Variants in FGF14 observed in about 807,000 individuals in gnomAD.
FGF14 encodes the protein fibroblast growth factor homologous factor 4.
In FGF14, 5 loss-of-function variants were observed where a neutral mutation model predicts 25.5. That is an observed-to-expected ratio of 0.20 (90% CI 0.10 to 0.41). FGF14 has a LOEUF of 0.41. Among genes scored for constraint, FGF14 ranks in the 10% least tolerant of loss-of-function variants. The pLI, the probability that FGF14 is intolerant of heterozygous loss-of-function variation, is 1.00. For synonymous variants in FGF14, 138 were observed against 118.3 expected, an observed-to-expected ratio of 1.17 and a Z score of -1.08; for missense variants, 222 against 320.1, an observed-to-expected ratio of 0.69 and a Z score of 2.34.
chr13:102,150,443 C>T (rs2047034771), intron 1 of FGF14, among the ~76,000 whole-genome samples: 3 of 152,050 alleles, frequency 2.0e-5, no homozygotes. Flanking sequence ...AAGGCATGGC[C>T]ACTTTTGCAA....
At chr13:102,194,590 A>T (rs1353364303) in intron 1 of FGF14, among the ~76,000 whole-genome samples, 1 of 152,198 alleles carries the variant, frequency 6.6e-6, no homozygotes, top group African/African-American at 2.4e-5. Flanking sequence ...AAGAAAAATG[A>T]ACAAAGTCTC....
At chr13:102,204,464 G>A (rs531098740) in intron 1 of FGF14, among the ~76,000 whole-genome samples, 133 of 152,342 alleles carry the variant, frequency 8.7e-4, no homozygotes, top group Non-Finnish European at 1.7e-3. Flanking sequence ...AGGGCAGAGT[G>A]AGTTGGGCAT....
intron 3 of FGF14, among the ~76,000 whole-genome samples, chr13:101,836,491 C>T (rs1007055707): frequency 1.3e-5 from 2 of 152,062 alleles, no homozygotes; most frequent in Non-Finnish European, 2.9e-5. Context: ...AGGTAACAAC[C>T]GAAGGAGTCA....
intron 1 of FGF14, among the ~76,000 whole-genome samples, chr13:101,927,285 G>A (rs1453077234): frequency 6.6e-6 from 1 of 152,150 alleles, no homozygotes; most frequent in African/African-American, 2.4e-5. Flanking sequence ...AAAGCACCAA[G>A]ACATATCAGC....
Position 101,759,954 on chromosome 13 carries a change from ACTC to A in FGF14, c.409-33147_409-33145del. 2.0e-5 allele frequency among the ~76,000 whole-genome samples: 3 copies of A among 151,976 alleles called. No homozygotes were observed. The Middle Eastern group carries it at 0.01, about 517-fold the overall frequency. The stretch of plus-strand genomic sequence containing the variant: ...TAGTGGCAGCTAAAAAACCTAATAA[ACTC>A]CTAAGAGGAAAAAGGATTTCCCAAC... On this transcript the variant is annotated intron_variant, in intron 3 of 4. Transcript: ENST00000376143.
rs1175834993 is a variant in FGF14, at chr13:101,715,731, A to G, written c.*7100T>C. 10 of 904,340 alleles carry G rather than the reference A, an allele frequency of 1.1e-5. 1 individual carries two copies. Among genetic ancestry groups the G allele is most frequent in the South Asian group, 6.6e-5 (5 of 75,882 alleles). 56.0% of individuals were successfully genotyped at this position (904,340 alleles called of 1,614,324 possible). On this transcript the variant is annotated 3_prime_UTR_variant, in exon 5 of 5. Transcript: ENST00000376143. The stretch of plus-strand genomic sequence containing the variant: ...GATAAATGCGAAGGAAACCATGTAT[A>G]TTCACCACTAGGACAGGTTAAAAAG...
At chr13:102,283,313 T>G (rs1292081598) in intron 1 of FGF14, among the ~76,000 whole-genome samples, 1 of 152,138 alleles carries the variant, frequency 6.6e-6, no homozygotes, top group Non-Finnish European at 1.5e-5. Context: ...GATCTTATGC[T>G]CAGCTGAAAC....
At chr13:101,752,758 C>G (rs753247293) in intron 3 of FGF14, among the ~76,000 whole-genome samples, 2 of 152,234 alleles carry the variant, frequency 1.3e-5, no homozygotes, top group Middle Eastern at 3.4e-3. Flanking sequence ...ATGACGTTCT[C>G]GCACATAATG....
intron 1 of FGF14, among the ~76,000 whole-genome samples, chr13:102,310,497 T>G (rs1452929253): frequency 6.6e-6 from 1 of 152,128 alleles, no homozygotes; most frequent in Non-Finnish European, 1.5e-5. Context: ...GAAGTCTTTT[T>G]GCTTTAAGTA....
intron 3 of FGF14, among the ~76,000 whole-genome samples, chr13:101,827,627 A>T (rs1326359925): frequency 3.3e-5 from 5 of 151,982 alleles, no homozygotes; most frequent in African/African-American, 1.2e-4. Flanking sequence ...GTGGTTTATT[A>T]TAAAGAAATA....
intron 3 of FGF14, among the ~76,000 whole-genome samples, chr13:101,852,463 T>C (rs548244785): frequency 1.3e-5 from 2 of 152,144 alleles, no homozygotes; most frequent in Non-Finnish European, 2.9e-5. Context: ...AATCCCAAGT[T>C]ACTTGCTGAC....
rs570879263 is a variant in FGF14, at chr13:101,942,579, A to C, written c.209-67283T>G. On this transcript the variant is annotated intron_variant, in intron 1 of 4. Coordinates refer to the FGF14 transcript ENST00000376131. ...TATATCTCTCTGAGAAAACACTGACAATCAGTGAAAGAAACAAACTGAGCT... is the reference window on the plus strand; with the variant it reads ...TATATCTCTCTGAGAAAACACTGACCATCAGTGAAAGAAACAAACTGAGCT... Among the ~76,000 whole-genome samples, 6 of 152,274 alleles carry C rather than the reference A, an allele frequency of 3.9e-5. No homozygotes were observed. In the East Asian group the frequency reaches 9.7e-4, roughly 25 times the overall value.
chr13:102,127,348 A>T (rs1219311645), intron 1 of FGF14, among the ~76,000 whole-genome samples: 4 of 152,176 alleles, frequency 2.6e-5, no homozygotes, highest in African/African-American at 9.6e-5. Flanking sequence ...GCTAAGTGTT[A>T]TTATCACTTC....
At chr13:101,933,221 C>G (rs1398949867) in intron 1 of FGF14, among the ~76,000 whole-genome samples, 9 of 152,120 alleles carry the variant, frequency 5.9e-5, no homozygotes, top group South Asian at 2.1e-4. Context: ...TATCGATATC[C>G]CTTTTCTTGG....
At chr13:101,814,507 T>A (rs2041736300) in intron 3 of FGF14, among the ~76,000 whole-genome samples, 1 of 152,232 alleles carries the variant, frequency 6.6e-6, no homozygotes, top group African/African-American at 2.4e-5. Flanking sequence ...CATGCAATCA[T>A]AACCACAATT....
intron 1 of FGF14, among the ~76,000 whole-genome samples, chr13:102,161,632 A>AAGG (rs2047711510): frequency 1.7e-4 from 2 of 12,098 alleles, no homozygotes; most frequent in Non-Finnish European, 3.3e-4. Context: ...GAAGAAGAAG[A>AAGG]AGAAGAAGAA....
chr13:101,758,110 T>C (rs770484512), intron 3 of FGF14, among the ~76,000 whole-genome samples: 7 of 152,236 alleles, frequency 4.6e-5, no homozygotes, highest in Non-Finnish European at 8.8e-5. Context: ...AAATTAAATA[T>C]AAGCTCAATA....
intron 1 of FGF14, among the ~76,000 whole-genome samples, chr13:102,099,449 G>T (rs1035645564): frequency 1.3e-5 from 2 of 152,144 alleles, no homozygotes; most frequent in African/African-American, 2.4e-5. Flanking sequence ...GAGCCAGATT[G>T]TCAATGATAA....
At chr13:101,776,743 A>T (rs776714435) in intron 3 of FGF14, among the ~76,000 whole-genome samples, 10 of 152,214 alleles carry the variant, frequency 6.6e-5, no homozygotes, top group Non-Finnish European at 1.5e-4. Context: ...ATACTGTCTT[A>T]GTACATTCGG....
Sources: gnomAD v4.1 joint callset for allele counts (sites outside exome capture counted in the v4.1 genomes callset) on GRCh38, gnomAD v4.1.1 for gene constraint, MANE v1.5 for transcripts, NCBI Gene and HGNC (gene_info 2026-07-23, HGNC 2026-07-21) for gene names.